Variants in RPS6KC1 observed in about 807,000 individuals in gnomAD.
RPS6KC1 encodes ribosomal protein S6 kinase C1.
In RPS6KC1, 54 loss-of-function variants were observed where a neutral mutation model predicts 103.8. The observed-to-expected ratio is 0.52, with a 90% CI of 0.42 to 0.65. RPS6KC1 has a LOEUF of 0.65. RPS6KC1 is among the 30% of genes least tolerant of loss of function. The probability of loss-of-function intolerance (pLI) is 0.00; values close to 1 mark genes in which losing one functional copy is unlikely to be tolerated. For missense variants in RPS6KC1, 1,151 were observed against 1,253.8 expected, an observed-to-expected ratio of 0.92 and a Z score of 1.24; for synonymous variants, 439 against 438.7, an observed-to-expected ratio of 1.00 and a Z score of -0.01.
chr1:213,512,253 T>A, the RPS6KC1 span, among the ~76,000 whole-genome samples: 1 of 152,222 alleles, frequency 6.6e-6, no homozygotes, highest in Non-Finnish European at 1.5e-5. Flanking sequence ...CAAATCAACA[T>A]TTAAATGCCC....
chr1:213,751,096 A>T, the RPS6KC1 span, among the ~76,000 whole-genome samples: 4 of 152,140 alleles, frequency 2.6e-5, no homozygotes, highest in African/African-American at 9.7e-5. Flanking sequence ...AAAGTCATAG[A>T]TACCAATTTT....
the RPS6KC1 span, among the ~76,000 whole-genome samples, chr1:213,688,563 C>T: frequency 2.0e-5 from 3 of 152,114 alleles, no homozygotes; most frequent in African/African-American, 7.2e-5. Flanking sequence ...AGAAAATTGG[C>T]AAGTTGCTAG....
At chr1:213,113,881 G>A (rs1273531832) in intron 4 of RPS6KC1, among the ~76,000 whole-genome samples, 52 of 152,050 alleles carry the variant, frequency 3.4e-4, no homozygotes, top group African/African-American at 9.4e-4. Flanking sequence ...GATATGCGGC[G>A]TTATTTCTGA....
chr1:213,066,709 A>G (rs941967333), intron 1 of RPS6KC1, among the ~76,000 whole-genome samples: 1 of 152,212 alleles, frequency 6.6e-6, no homozygotes, highest in Non-Finnish European at 1.5e-5. Flanking sequence ...TTAGGAGTTT[A>G]TATAGCAGGG....
chr1:213,775,340 A>G, the RPS6KC1 span, among the ~76,000 whole-genome samples: 1 of 152,150 alleles, frequency 6.6e-6, no homozygotes, highest in Non-Finnish European at 1.5e-5. Flanking sequence ...TCACAAGTGA[A>G]TTTAATTTTC....
chr1:213,353,241 T>A, the RPS6KC1 span, among the ~76,000 whole-genome samples: 2 of 152,244 alleles, frequency 1.3e-5, no homozygotes, highest in African/African-American at 4.8e-5. Context: ...ACTGAGTAAA[T>A]GAATGCCTCG....
At chr1:213,833,585 C>G in the RPS6KC1 span, among the ~76,000 whole-genome samples, 1 of 152,164 alleles carries the variant, frequency 6.6e-6, no homozygotes, top group East Asian at 1.9e-4. Context: ...GATCTCCACA[C>G]TCATTCAGCA....
the RPS6KC1 span, among the ~76,000 whole-genome samples, chr1:213,307,915 T>G: frequency 2.6e-5 from 4 of 152,180 alleles, no homozygotes; most frequent in Admixed American, 2.6e-4. Context: ...CAGTACTTGC[T>G]TGGGACCTTC....
the RPS6KC1 span, among the ~76,000 whole-genome samples, chr1:213,685,899 T>C: frequency 6.6e-6 from 1 of 152,194 alleles, no homozygotes; most frequent in Non-Finnish European, 1.5e-5. Context: ...TAAGAGCAGG[T>C]TGATGGTAAA....
chr1:213,242,360 C>A, intron 11 of RPS6KC1, 63 bp downstream of exon 11: 3 of 1,551,112 alleles, frequency 1.9e-6, no homozygotes, highest in Admixed American at 1.7e-5. Context: ...ACTGAGTAGG[C>A]GTTTTATCTT....
the RPS6KC1 span, among the ~76,000 whole-genome samples, chr1:213,321,586 A>T: frequency 6.6e-6 from 1 of 152,030 alleles, no homozygotes; most frequent in South Asian, 2.1e-4. Context: ...GCAGGTATTT[A>T]TTGAGCACCT....
the RPS6KC1 span, among the ~76,000 whole-genome samples, chr1:213,728,353 C>T: frequency 6.6e-6 from 1 of 152,140 alleles, no homozygotes; most frequent in African/African-American, 2.4e-5. Flanking sequence ...AGGCAGTTTG[C>T]ATTTATTGCG....
the RPS6KC1 span, among the ~76,000 whole-genome samples, chr1:213,750,202 C>A: frequency 6.6e-6 from 1 of 152,330 alleles, no homozygotes; most frequent in Admixed American, 6.5e-5. Context: ...CAAGGAACCA[C>A]AGCACAGCCA....
downstream of RPS6KC1, among the ~76,000 whole-genome samples, chr1:213,275,201 C>T (rs138310036): frequency 5.1e-4 from 77 of 152,300 alleles, 1 homozygote; most frequent in Non-Finnish European, 9.0e-4. Context: ...TTTAGCCATT[C>T]ATCTGTCAGT....
chr1:213,421,714 G>A, the RPS6KC1 span, among the ~76,000 whole-genome samples: 1 of 152,146 alleles, frequency 6.6e-6, no homozygotes, highest in East Asian at 1.9e-4. Context: ...TAAAGGGCCT[G>A]GTGTGGTACC....
chr1:213,858,472 G>A, the RPS6KC1 span, among the ~76,000 whole-genome samples: 394 of 152,230 alleles, frequency 2.6e-3, 4 homozygotes, highest in African/African-American at 9.2e-3. Context: ...TTCAGGGTTC[G>A]TTGTCCCAGC....
the RPS6KC1 span, among the ~76,000 whole-genome samples, chr1:213,485,815 G>A: frequency 1.3e-5 from 2 of 152,136 alleles, no homozygotes; most frequent in African/African-American, 4.8e-5. Flanking sequence ...GCTAAGCCTT[G>A]AAAAATGAGT....
chr1:213,553,585 C>G, the RPS6KC1 span, among the ~76,000 whole-genome samples: 5 of 152,172 alleles, frequency 3.3e-5, no homozygotes, highest in African/African-American at 1.2e-4. Context: ...AATTTCCATA[C>G]TGCTTTCCGT....
At chr1:213,773,543 A>G in the RPS6KC1 span, among the ~76,000 whole-genome samples, 1 of 148,940 alleles carries the variant, frequency 6.7e-6, no homozygotes, top group Non-Finnish European at 1.5e-5. Context: ...ATAGATATAT[A>G]TATCTCTATA....
Sources: allele counts gnomAD v4.1 joint callset (sites outside exome capture counted in the v4.1 genomes callset), GRCh38; gene constraint gnomAD v4.1.1; transcripts MANE v1.5; gene names NCBI Gene and HGNC (gene_info 2026-07-23, HGNC 2026-07-21).